The following GALNT13 variants were observed in gnomAD, a reference collection of about 807,000 sequenced individuals.
GALNT13 encodes polypeptide N-acetylgalactosaminyltransferase 13.
GALNT13 carries 28 observed loss-of-function variants against 64.2 expected under a neutral mutation model. The ratio of observed to expected loss-of-function variants is 0.44; its 90% CI spans 0.32 to 0.60. GALNT13 has a LOEUF of 0.60. GALNT13 is among the 20% of genes least tolerant of loss of function. The pLI is 0.05. For missense variants in GALNT13, 577 were observed against 669.8 expected (o/e 0.86, Z 1.53); for synonymous variants, 214 against 224.6 (o/e 0.95, Z 0.42).
At chr2:154,122,005 A>T (rs1681975723) in intron 3 of GALNT13, among the ~76,000 whole-genome samples, 1 of 152,070 alleles carries the variant, frequency 6.6e-6, no homozygotes, top group Non-Finnish European at 1.5e-5. Context: ...ATTCAAGTCG[A>T]GGAATTTCTA....
chr2:154,290,915 C>T (rs577675710), intron 8 of GALNT13, among the ~76,000 whole-genome samples: 14 of 151,776 alleles, frequency 9.2e-5, no homozygotes, highest in Middle Eastern at 3.4e-3. Context: ...TTTGCTCTTT[C>T]CGTCCAGAGC....
chr2:154,366,354 T>G (rs1697361225), intron 9 of GALNT13, among the ~76,000 whole-genome samples: 1 of 152,178 alleles, frequency 6.6e-6, no homozygotes. Context: ...TATTACAAAT[T>G]TAAGGATGTA....
chr2:153,302,639 G>A, the GALNT13 span, among the ~76,000 whole-genome samples: 6 of 152,064 alleles, frequency 3.9e-5, no homozygotes, highest in Non-Finnish European at 5.9e-5. Context: ...CCAGACCAAT[G>A]TCATGGAAAT....
intron 3 of GALNT13, among the ~76,000 whole-genome samples, chr2:154,079,706 C>T (rs909866440): frequency 6.6e-6 from 1 of 151,506 alleles, no homozygotes; most frequent in African/African-American, 2.4e-5. Context: ...TACGAAGTTG[C>T]TTGCATACTT....
At chr2:153,930,930 C>T (rs1280745544) in intron 2 of GALNT13, among the ~76,000 whole-genome samples, 1 of 152,000 alleles carries the variant, frequency 6.6e-6, no homozygotes, top group Non-Finnish European at 1.5e-5. Flanking sequence ...GCCATTTTAT[C>T]AGTATTGATT....
chr2:153,688,431 A>G, the GALNT13 span, among the ~76,000 whole-genome samples: 2 of 152,064 alleles, frequency 1.3e-5, no homozygotes, highest in Admixed American at 1.3e-4. Flanking sequence ...ATATTTTAAA[A>G]TAAGATATTT....
chr2:154,106,704 T>G (rs907433422), intron 3 of GALNT13, among the ~76,000 whole-genome samples: 14 of 151,954 alleles, frequency 9.2e-5, no homozygotes, highest in African/African-American at 3.4e-4. Flanking sequence ...TTGTGGGCCT[T>G]TCCATGTAAT....
chr2:153,499,346 A>G, the GALNT13 span, among the ~76,000 whole-genome samples: 2,978 of 152,250 alleles, frequency 0.02, 105 homozygotes, highest in African/African-American at 0.068. Flanking sequence ...TGGGCTTAGA[A>G]GGGAGGAAGT....
At chr2:154,256,313 G>C (rs180879601) in intron 7 of GALNT13, among the ~76,000 whole-genome samples, 1 of 152,114 alleles carries the variant, frequency 6.6e-6, no homozygotes, top group Admixed American at 6.6e-5. Flanking sequence ...GAGAACCAAA[G>C]TTCCTAAGCT....
At chr2:153,852,139 T>A in the GALNT13 span, among the ~76,000 whole-genome samples, 1 of 152,074 alleles carries the variant, frequency 6.6e-6, no homozygotes, top group African/African-American at 2.4e-5. Flanking sequence ...AAATAATATA[T>A]TGGACAAATA....
the GALNT13 span, among the ~76,000 whole-genome samples, chr2:153,476,386 G>A: frequency 6.6e-6 from 1 of 152,146 alleles, no homozygotes; most frequent in African/African-American, 2.4e-5. Flanking sequence ...TTGCTATATA[G>A]CATCCTAGTG....
the GALNT13 span, among the ~76,000 whole-genome samples, chr2:153,179,337 C>A: frequency 6.6e-6 from 1 of 152,128 alleles, no homozygotes; most frequent in African/African-American, 2.4e-5. Flanking sequence ...ATTCTTGGCA[C>A]CTTTATTGAA....
At chr2:153,122,052 G>T in the GALNT13 span, among the ~76,000 whole-genome samples, 7 of 152,004 alleles carry the variant, frequency 4.6e-5, no homozygotes, top group Non-Finnish European at 1.0e-4. Context: ...TGTGTATAGT[G>T]TTTCACTCAG....
In GALNT13 at chr2:154,347,525, C is replaced by T. The variant is rs1459140750; in HGVS notation, c.1156+45936C>T. Among the ~76,000 whole-genome samples, 3 of 152,094 alleles carry T rather than the reference C, an allele frequency of 2.0e-5. No homozygotes were observed. In the East Asian group the frequency reaches 5.8e-4, roughly 29 times the overall value. ...AATTGTCAGATTTGGTCTCTCCATACCAATATGTCACCTATAGATGTTGTT... is the reference window on the plus strand; with the variant it reads ...AATTGTCAGATTTGGTCTCTCCATATCAATATGTCACCTATAGATGTTGTT... On this transcript the variant is annotated intron_variant, in intron 9 of 12. Transcript: ENST00000392825.
chr2:153,861,373 G>A, the GALNT13 span, among the ~76,000 whole-genome samples: 1 of 152,274 alleles, frequency 6.6e-6, no homozygotes, highest in African/African-American at 2.4e-5. Flanking sequence ...TCTACAGTTA[G>A]TTTGTGGACC....
At chr2:154,250,832 C>G (rs745564203) in intron 7 of GALNT13, among the ~76,000 whole-genome samples, 1 of 151,928 alleles carries the variant, frequency 6.6e-6, no homozygotes, top group Non-Finnish European at 1.5e-5. Context: ...ATCACCAAAG[C>G]CTTTAAAACA....
chr2:154,387,653 C>T lies in GALNT13; in HGVS notation c.1157-8338C>T, dbSNP rs561927755. ...GTGAGTACAACTGTATTAGAATCTA[C>T]ACATAAGTGAGGTCATGTGGTATTT... On this transcript the variant is annotated intron_variant, in intron 9 of 12. Coordinates refer to ENST00000392825, the MANE Select transcript of GALNT13 (RefSeq NM_052917.4). Among the ~76,000 whole-genome samples the T allele has an allele frequency of 5.3e-5, 8 of 152,252 alleles. No homozygotes were observed. The East Asian group carries it at 1.5e-3, about 29-fold the overall frequency.
At chr2:153,673,750 A>G in the GALNT13 span, among the ~76,000 whole-genome samples, 2 of 152,202 alleles carry the variant, frequency 1.3e-5, no homozygotes, top group African/African-American at 4.8e-5. Context: ...TCAGTTAGGA[A>G]AAGAGGAAGT....
chr2:154,274,950 G>A lies in GALNT13; in HGVS notation c.975+15812G>A, dbSNP rs186718529. On this transcript the variant is annotated intron_variant, in intron 8 of 12. Transcript: ENST00000392825. ...TACGGACAACAAAGTCCAGGCTGAG[G>A]TGGTCTCAGAGATGGGGAACCTGTT... Among the ~76,000 whole-genome samples, 327 of 152,270 alleles carry A rather than the reference G, an allele frequency of 2.1e-3. 4 individuals carry two copies. Among genetic ancestry groups the A allele is most frequent in the Admixed American group, 0.019 (290 of 15,296 alleles).
Sources: allele counts gnomAD v4.1 joint callset (sites outside exome capture counted in the v4.1 genomes callset), GRCh38; gene constraint gnomAD v4.1.1; transcripts MANE v1.5; gene names NCBI Gene and HGNC (gene_info 2026-07-23, HGNC 2026-07-21).